SGIP1: variants seen among roughly 807,000 people sequenced by gnomAD.
SGIP1 encodes the protein SH3GL interacting endocytic adaptor 1.
A neutral mutation model predicts 107.5 loss-of-function variants in SGIP1; 38 were observed. The ratio of observed to expected loss-of-function variants is 0.35; its 90% confidence interval spans 0.27 to 0.46. The LOEUF is 0.46. SGIP1 is among the 20% of genes least tolerant of loss of function. SGIP1 has a pLI of 1.00. For synonymous variants in SGIP1, 365 were observed against 366.1 expected, an observed-to-expected ratio of 1.00 and a Z score of 0.03; for missense variants, 929 against 1,019.5, an observed-to-expected ratio of 0.91 and a Z score of 1.21.
chr1:66,614,631 T>C (rs993973585), intron 1 of SGIP1, among the ~76,000 whole-genome samples: 66 of 152,232 alleles, frequency 4.3e-4, no homozygotes, highest in South Asian at 1.2e-3. Flanking sequence ...TTTTAAACCA[T>C]TTATATCCCT....
At chr1:66,534,408 G>C (rs1309880040) in intron 1 of SGIP1, 40 bp downstream of exon 1, 1 of 1,612,480 alleles carries the variant, frequency 6.2e-7, no homozygotes, top group Non-Finnish European at 8.5e-7. Context: ...CTTCAGGCAA[G>C]GTTTGGGCAG....
chr1:66,727,593 C>G (rs1188704705), intron 19 of SGIP1, among the ~76,000 whole-genome samples: 1 of 152,138 alleles, frequency 6.6e-6, no homozygotes, highest in African/African-American at 2.4e-5. Flanking sequence ...ATTCATTGCA[C>G]CTTTATTTGT....
At chr1:66,620,762 A>G (rs1387118445) in intron 1 of SGIP1, among the ~76,000 whole-genome samples, 1 of 152,194 alleles carries the variant, frequency 6.6e-6, no homozygotes, top group Admixed American at 6.5e-5. Flanking sequence ...TTATATCACC[A>G]TCCAATTTGG....
At chr1:66,596,111 G>T (rs541029846) in intron 1 of SGIP1, among the ~76,000 whole-genome samples, 1 of 152,364 alleles carries the variant, frequency 6.6e-6, no homozygotes, top group South Asian at 2.1e-4. Context: ...TGGGTGTATT[G>T]TATTGATGCA....
At chr1:66,653,376 C>T (rs1206508984) in intron 7 of SGIP1, among the ~76,000 whole-genome samples, 1 of 151,936 alleles carries the variant, frequency 6.6e-6, no homozygotes, top group Non-Finnish European at 1.5e-5. Context: ...CTTTCATGCC[C>T]ACCTTACTCT....
intron 13 of SGIP1, among the ~76,000 whole-genome samples, chr1:66,678,999 G>A (rs1254083951): frequency 6.6e-6 from 1 of 152,172 alleles, no homozygotes; most frequent in African/African-American, 2.4e-5. Flanking sequence ...TCCAAACTTT[G>A]CCCACAAAGT....
intron 18 of SGIP1, among the ~76,000 whole-genome samples, chr1:66,695,792 C>G (rs2090793151): frequency 6.6e-6 from 1 of 151,876 alleles, no homozygotes; most frequent in Non-Finnish European, 1.5e-5. Flanking sequence ...CTTTTTTGGC[C>G]AAGGAACTTA....
chr1:66,582,690 A>T lies in SGIP1; in HGVS notation c.11-43157A>T, dbSNP rs1175274970. The stretch of plus-strand genomic sequence containing the variant: ...TAATTGATTCATAAATATCTGAATT[A>T]CACATGGCTTTTTTTAGATGCTGCC... On this transcript the variant is annotated intron_variant, in intron 1 of 24. Transcript: ENST00000371037. Among the ~76,000 whole-genome samples the T allele has an allele frequency of 2.0e-4, 31 of 152,206 alleles. 2 individuals are homozygous for T. The highest frequency in any genetic ancestry group is 7.2e-4 in the African/African-American group (30 of 41,560).
intron 1 of SGIP1, among the ~76,000 whole-genome samples, chr1:66,559,986 G>C (rs1484680270): frequency 6.6e-6 from 1 of 151,900 alleles, no homozygotes; most frequent in Non-Finnish European, 1.5e-5. Flanking sequence ...ACTGAGGGGA[G>C]AGAGAATAGG....
chr1:66,698,991 A>G (rs1030024412), intron 18 of SGIP1, among the ~76,000 whole-genome samples: 4 of 151,820 alleles, frequency 2.6e-5, no homozygotes, highest in African/African-American at 9.7e-5. Flanking sequence ...ATCTACTCAT[A>G]TAGCCTCTTA....
At chr1:66,547,101 A>G (rs1200374200) in intron 1 of SGIP1, among the ~76,000 whole-genome samples, 1 of 152,184 alleles carries the variant, frequency 6.6e-6, no homozygotes, top group African/African-American at 2.4e-5. Flanking sequence ...TCTGGTTTCA[A>G]TTGAAGAGTT....
intron 1 of SGIP1, among the ~76,000 whole-genome samples, chr1:66,617,170 C>T (rs1321854276): frequency 2.0e-5 from 3 of 152,172 alleles, no homozygotes; most frequent in Admixed American, 6.5e-5. Flanking sequence ...ATATGTAGAA[C>T]GGCTTGTAAA....
intron 14 of SGIP1, among the ~76,000 whole-genome samples, chr1:66,681,314 C>T (rs1023919800): frequency 4.6e-5 from 7 of 152,182 alleles, no homozygotes; most frequent in South Asian, 2.1e-4. Context: ...CAGCTAAATA[C>T]GATGTGATCA....
At chr1:66,543,487 T>A (rs1295746627) in intron 1 of SGIP1, among the ~76,000 whole-genome samples, 1 of 152,188 alleles carries the variant, frequency 6.6e-6, no homozygotes, top group Non-Finnish European at 1.5e-5. Flanking sequence ...AAGTCAAAGT[T>A]TATTTTAGTA....
chr1:66,631,044 G>GAAGA (rs373346734), intron 2 of SGIP1, among the ~76,000 whole-genome samples: 11,713 of 102,540 alleles, frequency 0.11, 796 homozygotes, highest in East Asian at 0.16. Flanking sequence ...AGGAAGAAAG[G>GAAGA]AAGAAAGAAA....
intron 1 of SGIP1, among the ~76,000 whole-genome samples, chr1:66,564,438 A>C (rs546142355): frequency 6.6e-6 from 1 of 152,116 alleles, no homozygotes; most frequent in East Asian, 1.9e-4. Flanking sequence ...ACCAGGGAAA[A>C]TTCAGTGACA....
chr1:66,630,875 GA>G lies in SGIP1; in HGVS notation c.75-2192del, dbSNP rs1558133794. On this transcript the variant is annotated intron_variant, in intron 2 of 24. Transcript: ENST00000371037. ...AGAAAGAAAGAAAGAAAGAAAGAAAGAAAGAAAGAAAGAAAGAAAGAAAGAA... is the reference window on the plus strand; with the variant it reads ...AGAAAGAAAGAAAGAAAGAAAGAAAGAAGAAAGAAAGAAAGAAAGAAAGAA... 3.2e-3 allele frequency among the ~76,000 whole-genome samples: 141 copies of G among 43,774 alleles called. 12 individuals are homozygous for G. The highest frequency in any genetic ancestry group is 0.019 in the Middle Eastern group (2 of 108). The allele number at this position is 43,774 out of a possible 152,430, so 28.7% of individuals were successfully genotyped here.
At chr1:66,636,098 A>C (rs1558155745) in intron 4 of SGIP1, 83 bp downstream of exon 4, 1 of 1,319,682 alleles carries the variant, frequency 7.6e-7, no homozygotes, top group East Asian at 2.4e-5. Flanking sequence ...TTTGGAAAAC[A>C]CAGTAGTTTT....
At chr1:66,675,728 T>A (rs145178450) in intron 12 of SGIP1, among the ~76,000 whole-genome samples, 1,784 of 151,348 alleles carry the variant, frequency 0.012, 38 homozygotes, top group African/African-American at 0.041. Flanking sequence ...AGAGACTGGG[T>A]TTCACCATGT....
Sources: allele counts gnomAD v4.1 joint callset (sites outside exome capture counted in the v4.1 genomes callset), GRCh38; gene constraint gnomAD v4.1.1; transcripts MANE v1.5; gene names NCBI Gene and HGNC (gene_info 2026-07-23, HGNC 2026-07-21).